PCLO: variants seen among roughly 807,000 people sequenced by gnomAD.
PCLO encodes protein piccolo.
In PCLO, 82 loss-of-function variants were observed where a neutral mutation model predicts 427.5. That is an observed-to-expected ratio of 0.19 (90% CI 0.16 to 0.23). PCLO has a LOEUF of 0.23. Among genes scored for constraint, PCLO ranks in the 10% least tolerant of loss-of-function variants. The pLI is 1.00. For missense variants in PCLO, 6,239 were observed against 6,115.9 expected (o/e 1.02, Z -0.67); for synonymous variants, 2,357 against 2,155.4 (o/e 1.09, Z -2.59).
chr7:82,916,762 T>C lies in PCLO; in HGVS notation c.11224A>G (p.Thr3742Ala). 1 of 1,613,708 alleles carries C rather than the reference T, an allele frequency of 6.2e-7. No individual in the cohort carries two copies. The highest frequency in any genetic ancestry group is 1.1e-5 in the South Asian group (1 of 91,080). Residue 3742 changes from threonine (T) to alanine (A), a missense_variant, in exon 7 of 25, where the codon ACA becomes GCA. Coordinates refer to ENST00000333891, the MANE Select transcript of PCLO (RefSeq NM_033026.6). ...CTTCTCCTGGAAACTGTGCCCATTG[T>C]GCTGAATGTGGATTGAGTTCCTGTG... is the stretch of plus-strand genomic sequence containing the variant. ...ISTGTQSTFS[T>A]MGTVSRRRIC...
At position 82,952,292 on chromosome 7, in the gene PCLO, G is replaced by A. The variant is rs765044619; in HGVS notation, c.8661C>T (p.Thr2887=). 9.9e-6 allele frequency: 16 copies of A among 1,613,826 alleles called. No individual in the cohort carries two copies. The highest frequency in any genetic ancestry group is 4.0e-5 in the African/African-American group (3 of 74,910). ...CCCCATCAGTGATTCCCTGGGATAC[G>A]GTGCTATCAGTCCATCCATTTGTGA... ...VGVTNGWTDS[T]VSQGITDGEV... Residue 2887 remains threonine, a synonymous_variant, in exon 5 of 25, where the codon ACC becomes ACT. Transcript: ENST00000333891.
intron 16 of PCLO, among the ~76,000 whole-genome samples, chr7:82,834,213 T>G (rs1584026606): frequency 6.6e-6 from 1 of 152,274 alleles, no homozygotes; most frequent in East Asian, 1.9e-4. Flanking sequence ...TTTCTATATA[T>G]AAAAGATAGG....
chr7:83,065,056 C>CAA (rs61255338), intron 3 of PCLO, among the ~76,000 whole-genome samples: 1 of 140,130 alleles, frequency 7.1e-6, no homozygotes, highest in South Asian at 2.3e-4. Context: ...GCTTGGGTTC[C>CAA]AAAAAAAAAA....
chr7:83,020,507 C>A (rs1328757244), intron 3 of PCLO, among the ~76,000 whole-genome samples: 1 of 152,106 alleles, frequency 6.6e-6, no homozygotes, highest in African/African-American at 2.4e-5. Flanking sequence ...CACTTTTACT[C>A]TCCCACTTTC....
intron 3 of PCLO, among the ~76,000 whole-genome samples, chr7:83,008,411 G>A (rs961134214): frequency 2.4e-4 from 36 of 151,610 alleles, no homozygotes; most frequent in African/African-American, 8.5e-4. Context: ...AATGCTTCCT[G>A]TACATGACAC....
At chr7:82,773,199 C>T (rs1171910324) in intron 22 of PCLO, among the ~76,000 whole-genome samples, 1 of 152,154 alleles carries the variant, frequency 6.6e-6, no homozygotes, top group Non-Finnish European at 1.5e-5. Flanking sequence ...ATAACATTAG[C>T]ATCGTCATAT....
intron 10 of PCLO, among the ~76,000 whole-genome samples, chr7:82,848,377 C>G (rs192935956): frequency 2.4e-5 from 3 of 126,892 alleles, no homozygotes; most frequent in African/African-American, 5.8e-5. Flanking sequence ...GTGGTGTAAT[C>G]TCTGCTCACT....
intron 8 of PCLO, among the ~76,000 whole-genome samples, chr7:82,904,211 C>T (rs940393990): frequency 6.6e-6 from 1 of 151,900 alleles, no homozygotes; most frequent in African/African-American, 2.4e-5. Flanking sequence ...ATATTTGTAA[C>T]AAGTGCTTAC....
chr7:82,989,959 AAACTT>A (rs1213550715), intron 3 of PCLO, among the ~76,000 whole-genome samples: 1 of 152,202 alleles, frequency 6.6e-6, no homozygotes, highest in Non-Finnish European at 1.5e-5. Context: ...GAAAATATTA[AAACTT>A]AAGAGTAAAG....
At chr7:82,849,321 A>G (rs1792588116) in intron 10 of PCLO, among the ~76,000 whole-genome samples, 1 of 152,130 alleles carries the variant, frequency 6.6e-6, no homozygotes. Context: ...TCGCCTGGAT[A>G]TACACCTGAC....
At chr7:82,886,932 A>G (rs1793641050) in intron 9 of PCLO, among the ~76,000 whole-genome samples, 1 of 152,154 alleles carries the variant, frequency 6.6e-6, no homozygotes. Flanking sequence ...CTCAAAACAC[A>G]TGACTTTGAA....
At chr7:82,776,439 A>C (rs1790750887) in intron 22 of PCLO, among the ~76,000 whole-genome samples, 1 of 151,998 alleles carries the variant, frequency 6.6e-6, no homozygotes, top group Non-Finnish European at 1.5e-5. Flanking sequence ...CTAAAAATAC[A>C]AAAATTGAGC....
intron 3 of PCLO, among the ~76,000 whole-genome samples, chr7:83,122,432 TCCA>T (rs1452735231): frequency 9.2e-5 from 14 of 152,114 alleles, no homozygotes; most frequent in African/African-American, 3.1e-4. Flanking sequence ...ATTACAGACG[TCCA>T]CCACCACGCC....
chr7:82,881,889 T>A (rs892849977), intron 9 of PCLO, among the ~76,000 whole-genome samples: 1 of 152,080 alleles, frequency 6.6e-6, no homozygotes, highest in African/African-American at 2.4e-5. Flanking sequence ...GTGACCCTTT[T>A]GCCTCAGCCT....
At chr7:83,148,603 T>C (rs1219512108) in intron 2 of PCLO, among the ~76,000 whole-genome samples, 1 of 152,314 alleles carries the variant, frequency 6.6e-6, no homozygotes, top group African/African-American at 2.4e-5. Context: ...CCTTTTTTTT[T>C]ACCCTCAACC....
chr7:83,004,508 G>A (rs1290504902), intron 3 of PCLO, among the ~76,000 whole-genome samples: 1 of 151,262 alleles, frequency 6.6e-6, no homozygotes, highest in Non-Finnish European at 1.5e-5. Flanking sequence ...ATACAAAAAA[G>A]CAACTCAAGA....
chr7:82,838,082 A>G, intron 15 of PCLO, 136 bp downstream of exon 15: 5 of 653,748 alleles, frequency 7.6e-6, no homozygotes, highest in Non-Finnish European at 1.3e-5. Context: ...AATTGGAAAT[A>G]AATAAATATG....
In PCLO at chr7:83,119,804, T is replaced by C. The variant is rs192172993; in HGVS notation, c.3300+14446A>G. ...ACAAAATTCAAGATAACACAGAGAA[T>C]ATACCCAGAATCCTATCAGAAAAAA... is the stretch of plus-strand genomic sequence containing the variant. On this transcript the variant is annotated intron_variant, in intron 3 of 24. Transcript: ENST00000333891. Among the ~76,000 whole-genome samples the C allele has an allele frequency of 6.4e-5, 9 of 139,746 alleles. No homozygotes were observed. The East Asian group carries it at 2.0e-3, about 31-fold the overall frequency. 91.7% of individuals were successfully genotyped at this position (139,746 alleles called of 152,430 possible).
intron 10 of PCLO, among the ~76,000 whole-genome samples, chr7:82,870,711 G>T (rs1320805875): frequency 6.6e-6 from 1 of 151,922 alleles, no homozygotes; most frequent in Non-Finnish European, 1.5e-5. Context: ...TGAATAGGTA[G>T]AATGTATAAG....
Sources: allele counts gnomAD v4.1 joint callset (sites outside exome capture counted in the v4.1 genomes callset), GRCh38; gene constraint gnomAD v4.1.1; transcripts MANE v1.5; gene names NCBI Gene and HGNC (gene_info 2026-07-23, HGNC 2026-07-21).